Variants in COMMD10 observed in about 807,000 individuals in gnomAD.
COMMD10 encodes the protein COMM domain-containing protein 10.
In COMMD10, 33 loss-of-function variants were observed where a neutral mutation model predicts 28.9. That is an observed-to-expected ratio of 1.14 (90% CI 0.87 to 1.53). The LOEUF (loss-of-function observed/expected upper bound fraction) is 1.53. COMMD10 is among the 40% of genes most tolerant of loss of function. COMMD10 has a pLI of 0.00. For synonymous variants in COMMD10, 110 were observed against 81.7 expected, an observed-to-expected ratio of 1.35 and a Z score of -1.87; for missense variants, 310 against 233.4, an observed-to-expected ratio of 1.33 and a Z score of -2.14.
intron 5 of COMMD10, among the ~76,000 whole-genome samples, chr5:116,255,309 A>T (rs144005691): frequency 2.0e-5 from 3 of 151,528 alleles, no homozygotes; most frequent in Admixed American, 6.6e-5. Flanking sequence ...TTTAAAGTTA[A>T]TAGTGTTATG....
intron 5 of COMMD10, among the ~76,000 whole-genome samples, chr5:116,208,105 C>T (rs994284884): frequency 2.0e-5 from 3 of 152,054 alleles, no homozygotes; most frequent in African/African-American, 7.3e-5. Context: ...GAGTTTCCTT[C>T]TTGCTGAAAT....
chr5:116,202,109 TC>T (rs1246594183), intron 5 of COMMD10, among the ~76,000 whole-genome samples: 2 of 147,016 alleles, frequency 1.4e-5, no homozygotes, highest in Admixed American at 6.9e-5. Flanking sequence ...ATTGTTCAAT[TC>T]CCACCTATGA....
At chr5:116,217,120 G>T (rs906068280) in intron 5 of COMMD10, among the ~76,000 whole-genome samples, 1 of 149,090 alleles carries the variant, frequency 6.7e-6, no homozygotes, top group African/African-American at 2.5e-5. Flanking sequence ...CCTTAGGGAA[G>T]ATTTGGAAAA....
chr5:116,284,267 C>T (rs986692074), intron 5 of COMMD10, among the ~76,000 whole-genome samples: 1 of 151,850 alleles, frequency 6.6e-6, no homozygotes, highest in Non-Finnish European at 1.5e-5. Flanking sequence ...ATGTCATTAA[C>T]TTTTATGCTA....
At chr5:116,145,781 A>C (rs1225231590) in intron 5 of COMMD10, among the ~76,000 whole-genome samples, 1 of 151,740 alleles carries the variant, frequency 6.6e-6, no homozygotes, top group Non-Finnish European at 1.5e-5. Flanking sequence ...TTGTTTTATA[A>C]GGGGCTCTTA....
chr5:116,196,478 C>T (rs949482839), intron 5 of COMMD10, among the ~76,000 whole-genome samples: 1 of 150,422 alleles, frequency 6.6e-6, no homozygotes, highest in Non-Finnish European at 1.5e-5. Flanking sequence ...ACCACCTGTA[C>T]CCCAGTAACT....
At chr5:116,248,393 G>C (rs1750016965) in intron 5 of COMMD10, among the ~76,000 whole-genome samples, 2 of 151,966 alleles carry the variant, frequency 1.3e-5, no homozygotes, top group African/African-American at 4.8e-5. Context: ...CATTTGTAAA[G>C]CAGGTAACCT....
intron 5 of COMMD10, among the ~76,000 whole-genome samples, chr5:116,268,290 G>A (rs562836882): frequency 6.6e-6 from 1 of 151,916 alleles, no homozygotes; most frequent in South Asian, 2.1e-4. Flanking sequence ...AGTGGGTGAA[G>A]GATATGAACA....
At chr5:116,121,116 A>G (rs184658757) in intron 4 of COMMD10, among the ~76,000 whole-genome samples, 176 of 152,054 alleles carry the variant, frequency 1.2e-3, no homozygotes, top group Middle Eastern at 3.4e-3. Flanking sequence ...ATTTCTCCTA[A>G]TGCTCTCCTT....
intron 5 of COMMD10, among the ~76,000 whole-genome samples, chr5:116,170,651 G>A (rs988638411): frequency 3.3e-5 from 5 of 152,116 alleles, no homozygotes; most frequent in Non-Finnish European, 7.3e-5. Flanking sequence ...TATACCAGTG[G>A]AACAGAACAG....
intron 4 of COMMD10, among the ~76,000 whole-genome samples, chr5:116,132,018 A>G (rs1751878430): frequency 6.6e-6 from 1 of 151,968 alleles, no homozygotes; most frequent in Non-Finnish European, 1.5e-5. Flanking sequence ...TTTTGTAGGT[A>G]GTAAGGAGCT....
chr5:116,246,003 A>G (rs986541135), intron 5 of COMMD10, among the ~76,000 whole-genome samples: 2 of 152,132 alleles, frequency 1.3e-5, no homozygotes, highest in African/African-American at 4.8e-5. Context: ...GGCCAGAGAA[A>G]GAAATAAAGG....
At chr5:116,170,547 A>G (rs1231565723) in intron 5 of COMMD10, among the ~76,000 whole-genome samples, 1 of 152,214 alleles carries the variant, frequency 6.6e-6, no homozygotes, top group Non-Finnish European at 1.5e-5. Context: ...AAGCAAAAAG[A>G]ACAAAGCTGG....
intron 4 of COMMD10, among the ~76,000 whole-genome samples, chr5:116,108,137 G>T (rs1282722682): frequency 6.6e-6 from 1 of 152,210 alleles, no homozygotes; most frequent in Non-Finnish European, 1.5e-5. Context: ...CTCCCAGTCA[G>T]GATACACAGG....
intron 5 of COMMD10, among the ~76,000 whole-genome samples, chr5:116,283,340 C>G (rs912163152): frequency 6.6e-6 from 1 of 150,862 alleles, no homozygotes; most frequent in African/African-American, 2.5e-5. Context: ...CTAGCTATCA[C>G]AAAATAACAA....
chr5:116,263,151 A>G (rs1011408638), intron 5 of COMMD10, among the ~76,000 whole-genome samples: 4 of 151,982 alleles, frequency 2.6e-5, no homozygotes, highest in Non-Finnish European at 5.9e-5. Context: ...TAGAAAATGA[A>G]TAGTTTATAT....
At chr5:116,107,657 C>T (rs1356471552) in intron 4 of COMMD10, among the ~76,000 whole-genome samples, 1 of 152,034 alleles carries the variant, frequency 6.6e-6, no homozygotes, top group Non-Finnish European at 1.5e-5. Context: ...TTTGTTATTA[C>T]CCAGCTTCTG....
At chr5:116,290,998 T>A (rs1470024135) in intron 5 of COMMD10, among the ~76,000 whole-genome samples, 1 of 152,168 alleles carries the variant, frequency 6.6e-6, no homozygotes, top group Admixed American at 6.6e-5. Flanking sequence ...AACTGTTGTG[T>A]TAATTGTGAA....
At chr5:116,126,701 C>T (rs1449303052) in intron 4 of COMMD10, among the ~76,000 whole-genome samples, 1 of 152,096 alleles carries the variant, frequency 6.6e-6, no homozygotes, top group Non-Finnish European at 1.5e-5. Context: ...ATAAATGTTG[C>T]TGGGAAAACA....
Sources: allele counts gnomAD v4.1 joint callset (sites outside exome capture counted in the v4.1 genomes callset), GRCh38; gene constraint gnomAD v4.1.1; transcripts MANE v1.5; gene names NCBI Gene and HGNC (gene_info 2026-07-23, HGNC 2026-07-21).